HIBCH: variants seen among roughly 807,000 people sequenced by gnomAD.
HIBCH encodes 3-hydroxyisobutyryl-CoA hydrolase.
In HIBCH, 50 loss-of-function variants were observed where a neutral mutation model predicts 58.2. That is an observed-to-expected ratio of 0.86 (90% CI 0.68 to 1.09). The LOEUF (loss-of-function observed/expected upper bound fraction) is 1.09, where lower values mean the gene tolerates loss of function less well. Among genes scored for constraint, HIBCH ranks in the 50% least tolerant of loss-of-function variants. HIBCH has a pLI of 0.00. For synonymous variants in HIBCH, 151 were observed against 146.9 expected, an observed-to-expected ratio of 1.03 and a Z score of -0.20; for missense variants, 450 against 449.7, an observed-to-expected ratio of 1.00 and a Z score of -0.01.
At chr2:190,195,249 A>G (rs1050182501) in intron 1 of HIBCH, among the ~76,000 whole-genome samples, 4 of 152,332 alleles carry the variant, frequency 2.6e-5, no homozygotes, top group Admixed American at 1.3e-4. Flanking sequence ...GCTTGCTTCT[A>G]AGTTTTCAAA....
At chr2:190,201,846 A>C (rs1690253079), downstream of HIBCH, 1 of 167,074 alleles carries the variant, frequency 6.0e-6, no homozygotes, top group South Asian at 2.1e-4. Flanking sequence ...CATAAGTATA[A>C]AACATTTCCA....
At chr2:190,195,941 C>CTTTTTTTTTTTTTTT (rs35679833) in intron 1 of HIBCH, among the ~76,000 whole-genome samples, 3 of 86,210 alleles carry the variant, frequency 3.5e-5, no homozygotes, top group Non-Finnish European at 6.9e-5. Flanking sequence ...CTGTGTCCAG[C>CTTTTTTTTTTTTTTT]TTTTTTTTTT....
At chr2:190,297,913 AC>A (rs1333302542) in intron 2 of HIBCH, among the ~76,000 whole-genome samples, 4 of 58,032 alleles carry the variant, frequency 6.9e-5, no homozygotes, top group African/African-American at 6.6e-5. Context: ...CTTGCCCCCC[AC>A]CCCCCAACAG....
intron 6 of HIBCH, among the ~76,000 whole-genome samples, chr2:190,266,087 C>T (rs75115576): frequency 1.3e-5 from 2 of 152,020 alleles, no homozygotes; most frequent in Non-Finnish European, 2.9e-5. Context: ...CTTTCCATTA[C>T]AGATTGCAAC....
chr2:190,229,101 G>T (rs1287575009), intron 11 of HIBCH, among the ~76,000 whole-genome samples: 5 of 152,082 alleles, frequency 3.3e-5, no homozygotes, highest in African/African-American at 1.2e-4. Flanking sequence ...ACTGTATGGG[G>T]TATGCAAAGG....
At chr2:190,240,332 G>C (rs2105928833) in intron 11 of HIBCH, among the ~76,000 whole-genome samples, 1 of 152,276 alleles carries the variant, frequency 6.6e-6, no homozygotes, top group African/African-American at 2.4e-5. Context: ...ATTTCTGTGG[G>C]ATCGGTGGTG....
chr2:190,234,718 C>T (rs543094190), intron 11 of HIBCH, among the ~76,000 whole-genome samples: 71 of 151,912 alleles, frequency 4.7e-4, no homozygotes, highest in African/African-American at 1.6e-3. Flanking sequence ...GGTATGGTGG[C>T]GGGCACCTGT....
intron 13 of HIBCH, among the ~76,000 whole-genome samples, chr2:190,205,970 C>A (rs1690380334): frequency 6.6e-6 from 1 of 152,190 alleles, no homozygotes; most frequent in Non-Finnish European, 1.5e-5. Context: ...TTATTTCTTA[C>A]AACCGCATGA....
intron 10 of HIBCH, among the ~76,000 whole-genome samples, 172 bp downstream of exon 10, chr2:190,245,980 ACT>A (rs1260000465): frequency 2.1e-5 from 3 of 142,680 alleles, no homozygotes; most frequent in African/African-American, 5.4e-5. Flanking sequence ...ATAGAGCGAG[ACT>A]CTGTCTCAAA....
At chr2:190,200,123 C>T (rs553625034), downstream of HIBCH, 2 of 1,613,914 alleles carry the variant, frequency 1.2e-6, no homozygotes, top group South Asian at 2.2e-5. Context: ...CATGACATTC[C>T]ATACATTGAG....
At chr2:190,274,525 T>C (rs539416216) in intron 6 of HIBCH, among the ~76,000 whole-genome samples, 1 of 152,356 alleles carries the variant, frequency 6.6e-6, no homozygotes, top group South Asian at 2.1e-4. Flanking sequence ...CTTTCTAAAA[T>C]ACACTTTAAA....
downstream of HIBCH, among the ~76,000 whole-genome samples, chr2:190,198,973 C>T (rs1380840093): frequency 6.6e-6 from 1 of 152,188 alleles, no homozygotes; most frequent in Non-Finnish European, 1.5e-5. Flanking sequence ...ATCTGAGCTT[C>T]TGTACAATTT....
In HIBCH at chr2:190,243,270, T is replaced by C. The variant is rs1188095926; in HGVS notation, c.891+1617A>G. 6.6e-6 allele frequency among the ~76,000 whole-genome samples: 1 copy of C among 152,220 alleles called. No individual in the cohort carries two copies. The highest frequency in any genetic ancestry group is 1.5e-5 in the Non-Finnish European group (1 of 68,040). On this transcript the variant is annotated intron_variant, in intron 11 of 13. Coordinates refer to ENST00000359678, the MANE Select transcript of HIBCH (RefSeq NM_014362.4). The surrounding 1 kb of genome is among the most constrained non-coding windows in gnomAD (Gnocchi z 4.1). ...CCTCCCAGCCTGTATCTTTCTCCCA[T>C]GCTGGATGCTTCCTGCCCTTGAACA...
At chr2:190,220,106 C>T (rs1023525571) in intron 11 of HIBCH, among the ~76,000 whole-genome samples, 2 of 152,164 alleles carry the variant, frequency 1.3e-5, no homozygotes, top group Non-Finnish European at 2.9e-5. Flanking sequence ...AATGCTATGC[C>T]ACTCCTTTTG....
At chr2:190,191,334 A>T (rs112895333) in intron 1 of HIBCH, among the ~76,000 whole-genome samples, 69 of 152,210 alleles carry the variant, frequency 4.5e-4, no homozygotes, top group African/African-American at 1.3e-3. Flanking sequence ...CAGTAGAGAC[A>T]GAGTTTCACC....
chr2:190,249,603 G>T (rs774691727), intron 9 of HIBCH, 37 bp downstream of exon 9: 8 of 1,217,580 alleles, frequency 6.6e-6, no homozygotes, highest in Non-Finnish European at 7.3e-6. Context: ...CCCTCCCCAT[G>T]AATTAAAACC....
chr2:190,312,826 T>C (rs1292931000), intron 1 of HIBCH, among the ~76,000 whole-genome samples: 2 of 152,164 alleles, frequency 1.3e-5, no homozygotes, highest in Non-Finnish European at 2.9e-5. Context: ...CGGCTGGGCA[T>C]GGTGACTCAT....
rs118048247 is a variant in HIBCH, at chr2:190,308,625, C to T, written c.78+2129G>A. ...TACCGCCTTAGGACTCTACAGAGGT[C>T]CCACCTGCAAAATGGCCCACACCAG... On this transcript the variant is annotated intron_variant, in intron 2 of 13. Transcript: ENST00000359678. Among the ~76,000 whole-genome samples the T allele has an allele frequency of 1.5e-3, 232 of 152,218 alleles. 3 individuals carry two copies. In the East Asian group the frequency reaches 0.038, roughly 25 times the overall value.
At chr2:190,200,029 G>A, downstream of HIBCH, 1 of 1,614,110 alleles carries the variant, frequency 6.2e-7, no homozygotes, top group Non-Finnish European at 8.5e-7. Context: ...GACCAATACT[G>A]TGATCTTGGA....
Sources: gnomAD v4.1 joint callset for allele counts (sites outside exome capture counted in the v4.1 genomes callset) on GRCh38, gnomAD v4.1.1 for gene constraint, Gnocchi (gnomAD v3.1) non-coding constraint, MANE v1.5 for transcripts, NCBI Gene and HGNC (gene_info 2026-07-23, HGNC 2026-07-21) for gene names.